ATXN2: variants seen among roughly 807,000 people sequenced by gnomAD.
The protein encoded by ATXN2 is ataxin 2, also known as ataxin-2.
Under a neutral mutation model 138.6 loss-of-function variants are expected in ATXN2, and 37 were observed. The ratio of observed to expected loss-of-function variants is 0.27; its 90% CI spans 0.21 to 0.35. The LOEUF is 0.35. Among genes scored for constraint, ATXN2 ranks in the 10% least tolerant of loss-of-function variants. The probability of loss-of-function intolerance (pLI) is 1.00; values close to 1 mark genes in which losing one functional copy is unlikely to be tolerated. For missense variants in ATXN2, 1,216 were observed against 1,480.3 expected (o/e 0.82, Z 2.93); for synonymous variants, 549 against 543.7 (o/e 1.01, Z -0.13).
chr12:111,597,781 T>C (rs775978634), intron 1 of ATXN2: 2 of 1,096,118 alleles, frequency 1.8e-6, no homozygotes, highest in Non-Finnish European at 2.5e-6. Flanking sequence ...CCACGTCCCC[T>C]GCTGCAATCT....
intron 15 of ATXN2, among the ~76,000 whole-genome samples, chr12:111,488,182 A>C (rs1877765858): frequency 6.6e-6 from 1 of 152,178 alleles, no homozygotes; most frequent in Non-Finnish European, 1.5e-5. Flanking sequence ...AGGTCCCCTG[A>C]ATTGATAATT....
intron 11 of ATXN2, chr12:111,512,378 C>T (rs1164030784): frequency 6.6e-6 from 1 of 151,560 alleles, no homozygotes; most frequent in Non-Finnish European, 1.5e-5. Flanking sequence ...GAACAAAGCA[C>T]TAAGGACTGA....
Position 111,483,188 on chromosome 12 carries a change from A to AACACAC in ATXN2, c.2524+2076_2524+2077insGTGTGT, listed in dbSNP as rs746562037. Among the ~76,000 whole-genome samples the AACACAC allele has an allele frequency of 8.3e-3, 988 of 118,920 alleles. 7 individuals carry two copies. The highest frequency in any genetic ancestry group is 0.012 in the Non-Finnish European group (673 of 58,236). The allele number at this position is 118,920 out of a possible 152,430, so 78.0% of individuals were successfully genotyped here. A position where few individuals can be genotyped will look rare whatever the true frequency, so the allele number is the denominator to read the frequency against. On this transcript the variant is annotated intron_variant, in intron 18 of 24. Transcript: ENST00000673436. ...AGCAGCAAAGCAAGACCCTGTATCA[A>AACACAC]ACACATACACACACACACACACACA...
intron 5 of ATXN2, among the ~76,000 whole-genome samples, chr12:111,530,322 G>A (rs1880745952): frequency 6.6e-6 from 1 of 152,180 alleles, no homozygotes; most frequent in African/African-American, 2.4e-5. Context: ...TTACAGAAAT[G>A]AAGCAAATCT....
chr12:111,464,218 T>G (rs2135664466), intron 21 of ATXN2, among the ~76,000 whole-genome samples: 1 of 151,934 alleles, frequency 6.6e-6, no homozygotes, highest in South Asian at 2.1e-4. Flanking sequence ...AAATAAACAT[T>G]TTAAGTTTAT....
intron 14 of ATXN2, among the ~76,000 whole-genome samples, chr12:111,493,204 G>C (rs1327109544): frequency 6.6e-6 from 1 of 152,026 alleles, no homozygotes. Context: ...GGATCACCCT[G>C]AGGTCAGGAG....
intron 18 of ATXN2, among the ~76,000 whole-genome samples, chr12:111,480,844 T>C (rs966626403): frequency 1.3e-5 from 2 of 152,160 alleles, no homozygotes; most frequent in South Asian, 2.1e-4. Context: ...ATAAAAATCA[T>C]AGGAGTTTTA....
At chr12:111,523,601 C>T (rs369141898) in intron 6 of ATXN2, among the ~76,000 whole-genome samples, 3 of 152,192 alleles carry the variant, frequency 2.0e-5, no homozygotes, top group African/African-American at 7.2e-5. Context: ...TGGCGCACGC[C>T]TATAGTCCCA....
chr12:111,582,090 T>C (rs1178000789), intron 1 of ATXN2, among the ~76,000 whole-genome samples: 2 of 152,048 alleles, frequency 1.3e-5, no homozygotes, highest in African/African-American at 4.8e-5. Flanking sequence ...TTTCAATACT[T>C]TGGGAGGCCA....
At chr12:111,589,011 A>AAAAAC (rs1884498896) in intron 1 of ATXN2, among the ~76,000 whole-genome samples, 1 of 147,466 alleles carries the variant, frequency 6.8e-6, no homozygotes, top group Admixed American at 6.9e-5. Context: ...AAAAAAAAAA[A>AAAAAC]AAAAAAAAAA....
chr12:111,466,512 C>T (rs1242427858), intron 20 of ATXN2, among the ~76,000 whole-genome samples: 4 of 152,122 alleles, frequency 2.6e-5, no homozygotes, highest in African/African-American at 9.7e-5. Flanking sequence ...AAAAAAGAGA[C>T]ATCAAAGAGA....
At chr12:111,462,165 C>T (rs1355341582) in intron 21 of ATXN2, among the ~76,000 whole-genome samples, 1 of 152,186 alleles carries the variant, frequency 6.6e-6, no homozygotes, top group Non-Finnish European at 1.5e-5. Context: ...CTTTAGTCTT[C>T]ATAAAATCTT....
chr12:111,580,997 C>T (rs1458748372), intron 1 of ATXN2, among the ~76,000 whole-genome samples: 1 of 151,536 alleles, frequency 6.6e-6, no homozygotes, highest in Non-Finnish European at 1.5e-5. Context: ...ACCTAGCCGG[C>T]TGTGGTGGCA....
intron 1 of ATXN2, among the ~76,000 whole-genome samples, chr12:111,559,244 G>T (rs1882545749): frequency 6.6e-6 from 1 of 151,400 alleles, no homozygotes; most frequent in Non-Finnish European, 1.5e-5. Context: ...AGGACTACAG[G>T]TACGCGTCAC....
chr12:111,492,851 A>G (rs1265367923), intron 14 of ATXN2, among the ~76,000 whole-genome samples: 1 of 152,216 alleles, frequency 6.6e-6, no homozygotes. Context: ...CCAGTGACCA[A>G]TTCCCAAGTG....
At chr12:111,581,268 T>C (rs1883989482) in intron 1 of ATXN2, 3 of 423,582 alleles carry the variant, frequency 7.1e-6, no homozygotes, top group Middle Eastern at 5.7e-4. Context: ...GTAAATAGAA[T>C]GAGTACTAAA....
chr12:111,496,892 T>C (rs1044516730), intron 14 of ATXN2, among the ~76,000 whole-genome samples: 25 of 151,066 alleles, frequency 1.7e-4, no homozygotes, highest in African/African-American at 4.1e-4. Context: ...ATAAATAAAA[T>C]TGAAATGAAG....
intron 1 of ATXN2, among the ~76,000 whole-genome samples, chr12:111,594,762 T>C (rs1201478574): frequency 6.6e-6 from 1 of 152,094 alleles, no homozygotes; most frequent in East Asian, 1.9e-4. Context: ...CAAAAATAAC[T>C]TGGTCATAGG....
chr12:111,496,755 G>T (rs1878442184), intron 14 of ATXN2, among the ~76,000 whole-genome samples: 1 of 152,042 alleles, frequency 6.6e-6, no homozygotes, highest in South Asian at 2.1e-4. Context: ...TAAGAGGAAT[G>T]TTTACAGCAG....
Sources: gnomAD v4.1 joint callset for allele counts (sites outside exome capture counted in the v4.1 genomes callset) on GRCh38, gnomAD v4.1.1 for gene constraint, MANE v1.5 for transcripts, NCBI Gene and HGNC (gene_info 2026-07-23, HGNC 2026-07-21) for gene names.